Variants in KLHL12 observed in about 807,000 individuals in gnomAD.
The protein encoded by KLHL12 is kelch like family member 12.
A neutral mutation model predicts 60.8 loss-of-function variants in KLHL12; 17 were observed. The observed-to-expected ratio is 0.28, with a 90% confidence interval of 0.19 to 0.42. KLHL12 has a LOEUF of 0.42. Among genes scored for constraint, KLHL12 ranks in the 10% least tolerant of loss-of-function variants. The pLI is 1.00. For synonymous variants in KLHL12, 220 were observed against 250.9 expected, an observed-to-expected ratio of 0.88 and a Z score of 1.16; for missense variants, 468 against 722.3, an observed-to-expected ratio of 0.65 and a Z score of 4.04.
intron 6 of KLHL12, among the ~76,000 whole-genome samples, chr1:202,899,553 G>A (rs1157917090): frequency 6.6e-6 from 1 of 151,526 alleles, no homozygotes; most frequent in Non-Finnish European, 1.5e-5. Context: ...GCATGGCCAG[G>A]TGTGGCTCAT....
chr1:202,906,244 G>A (rs1660183818), intron 6 of KLHL12, among the ~76,000 whole-genome samples: 1 of 150,260 alleles, frequency 6.7e-6, no homozygotes, highest in African/African-American at 2.4e-5. Flanking sequence ...CCTGACGTCA[G>A]GAGTCCGAGA....
At chr1:202,903,917 CCT>C (rs769267863) in intron 6 of KLHL12, among the ~76,000 whole-genome samples, 1 of 151,760 alleles carries the variant, frequency 6.6e-6, no homozygotes, top group African/African-American at 2.4e-5. Context: ...TGCTCTTGGC[CCT>C]GTCTCATGCA....
chr1:202,927,317 G>C, upstream of KLHL12: 1 of 962,830 alleles, frequency 1.0e-6, no homozygotes. Flanking sequence ...GTCACGTGAG[G>C]AGGTGGTGTC....
In KLHL12 at chr1:202,925,049, T is replaced by G; in HGVS notation, c.114A>C (p.Arg38Ser). The change falls in exon 2 of 12, where the codon AGA becomes AGC. Residue 38 changes from arginine to serine, a missense_variant. Physicochemically the swap from Arg to Ser is moderately radical, Grantham distance 110. This residue lies in a region of KLHL12 where 61 missense variants were observed against 59.9 expected (regional missense o/e 1.02). Coordinates refer to ENST00000367261, the MANE Select transcript of KLHL12 (RefSeq NM_021633.4). Reference sequence around the variant, plus strand: ...GGGCAGGGAAGTCTTTCTGCTCTACTCTCAATGTCACATCACAGAGGGTAT... The same window carrying G: ...GGGCAGGGAAGTCTTTCTGCTCTACGCTCAATGTCACATCACAGAGGGTAT... ...KSNTLCDVTL[R>S]VEQKDFPAHR... The G allele has an allele frequency of 6.2e-7, 1 of 1,614,146 alleles. No homozygotes were observed. The highest frequency in any genetic ancestry group is 1.3e-5 in the African/African-American group (1 of 75,034).
chr1:202,903,143 G>C (rs968314309), intron 6 of KLHL12, among the ~76,000 whole-genome samples: 2 of 110,396 alleles, frequency 1.8e-5, no homozygotes, highest in African/African-American at 7.3e-5. Flanking sequence ...CTAGGAGCCA[G>C]AGTGAGACCT....
intron 2 of KLHL12, among the ~76,000 whole-genome samples, chr1:202,920,467 C>T (rs1225991694): frequency 7.1e-6 from 1 of 141,700 alleles, no homozygotes; most frequent in Non-Finnish European, 1.5e-5. Flanking sequence ...AGCTCCACCT[C>T]CTGGGTTCAT....
chr1:202,908,992 GC>G lies in KLHL12; in HGVS notation c.832+17del, dbSNP rs1287365753. 1 of 1,500,108 alleles carries G rather than the reference GC, an allele frequency of 6.7e-7. No individual in the cohort carries two copies. The highest frequency in any genetic ancestry group is 1.7e-5 in the Admixed American group (1 of 59,766). The allele number at this position is 1,500,108 out of a possible 1,614,324, so 92.9% of individuals were successfully genotyped here. A position where few individuals can be genotyped will look rare whatever the true frequency, so the allele number is the denominator to read the frequency against. On this transcript the variant is annotated intron_variant, in intron 6 of 11. Transcript: ENST00000367261. Reference sequence around the variant, plus strand: ...TAGTTGAAAAGCATCCCCTCATTCTGCCGAGATACCAGCTTACCTAGGCGAG... The same window carrying G: ...TAGTTGAAAAGCATCCCCTCATTCTGCGAGATACCAGCTTACCTAGGCGAG...
At chr1:202,912,179 G>A in intron 4 of KLHL12, 1 of 903,066 alleles carries the variant, frequency 1.1e-6, no homozygotes, top group Non-Finnish European at 1.8e-6. Context: ...CATCACCTAA[G>A]AGATAATTTG....
chr1:202,903,629 C>CTTT lies in KLHL12; in HGVS notation c.832+5378_832+5380dup, dbSNP rs1220119536. On this transcript the variant is annotated intron_variant, in intron 6 of 11. Transcript: ENST00000367261. ...CTGGGACCACTAATTTTTTTCTTTT[C>CTTT]TTTTTTTTTTTGAAACGGCGTCTTG... 5.1e-4 allele frequency among the ~76,000 whole-genome samples: 39 copies of CTTT among 76,090 alleles called. 7 individuals carry two copies. Among genetic ancestry groups the CTTT allele is most frequent in the African/African-American group, 1.2e-3 (26 of 22,366 alleles). The allele number at this position is 76,090 out of a possible 152,430, so 49.9% of individuals were successfully genotyped here.
chr1:202,927,703 G>C (rs1653672212), upstream of KLHL12, among the ~76,000 whole-genome samples: 1 of 143,466 alleles, frequency 7.0e-6, no homozygotes, highest in Non-Finnish European at 1.5e-5. Context: ...AAAATGTCCA[G>C]GCGTGGTGGC....
intron 8 of KLHL12, 146 bp from the exon 9 acceptor site, chr1:202,894,895 G>A (rs1659784531): frequency 1.5e-6 from 1 of 656,736 alleles, no homozygotes. Context: ...AAGTTTTATA[G>A]ACAAGGAAGA....
intron 2 of KLHL12, among the ~76,000 whole-genome samples, chr1:202,920,524 C>A (rs1432538730): frequency 6.6e-6 from 1 of 150,920 alleles, no homozygotes; most frequent in East Asian, 2.0e-4. Context: ...CTACAGGCGC[C>A]CGCCACCACG....
chr1:202,928,524 G>T, upstream of KLHL12: 1 of 1,304,460 alleles, frequency 7.7e-7, no homozygotes, highest in Non-Finnish European at 1.0e-6. Flanking sequence ...AAAACCCACA[G>T]AGGCCTCAAA....
At chr1:202,915,337 T>A in intron 4 of KLHL12, among the ~76,000 whole-genome samples, 1 of 152,200 alleles carries the variant, frequency 6.6e-6, no homozygotes, top group East Asian at 1.9e-4. Context: ...ACTATTATTT[T>A]ATTTAATAAG....
chr1:202,912,396 A>C (rs895287269), intron 4 of KLHL12: 20 of 808,142 alleles, frequency 2.5e-5, no homozygotes, highest in African/African-American at 5.0e-5. Context: ...CAGCCAAAGA[A>C]GTCGAAGTGG....
At chr1:202,906,581 T>G (rs1452675061) in intron 6 of KLHL12, among the ~76,000 whole-genome samples, 1 of 151,988 alleles carries the variant, frequency 6.6e-6, no homozygotes, top group Non-Finnish European at 1.5e-5. Flanking sequence ...ATTGATTGTA[T>G]AACAATGTAT....
At chr1:202,907,710 C>A (rs1283611945) in intron 6 of KLHL12, among the ~76,000 whole-genome samples, 1 of 151,040 alleles carries the variant, frequency 6.6e-6, no homozygotes, top group African/African-American at 2.4e-5. Flanking sequence ...GTTCAAGACC[C>A]AGCCTGGGCA....
rs115772063 is a variant in KLHL12, at chr1:202,907,931, G to A, written c.832+1079C>T. Among the ~76,000 whole-genome samples the A allele has an allele frequency of 8.5e-3, 1,292 of 151,638 alleles. 19 individuals carry two copies. Among genetic ancestry groups the A allele is most frequent in the African/African-American group, 0.029 (1,217 of 41,322 alleles). ...TCTATTAAAAAAAATAAAATATAGC[G>A]GATAAATCACCATTCTACCTAAACC... On this transcript the variant is annotated intron_variant, in intron 6 of 11. Coordinates refer to ENST00000367261, the MANE Select transcript of KLHL12 (RefSeq NM_021633.4).
Position 202,893,159 on chromosome 1 carries a change from C to T in KLHL12, c.1580+80G>A, listed in dbSNP as rs2102404005. ...GTCTACCCCTACCCAAGTCTTGTCT[C>T]TGTCCAAAAATGAGGATCAGATCAC... On this transcript the variant is annotated intron_variant, in intron 11 of 11. Coordinates refer to ENST00000367261, the MANE Select transcript of KLHL12 (RefSeq NM_021633.4). The surrounding 1 kb of genome is among the most constrained non-coding windows in gnomAD (Gnocchi z 4.1). 8.4e-7 allele frequency: 1 copy of T among 1,185,948 alleles called. No individual in the cohort carries two copies. The highest frequency in any genetic ancestry group is 2.5e-5 in the East Asian group (1 of 39,238). The allele number at this position is 1,185,948 out of a possible 1,614,324, so 73.5% of individuals were successfully genotyped here.
Sources: allele counts gnomAD v4.1 joint callset (sites outside exome capture counted in the v4.1 genomes callset), GRCh38; gene constraint gnomAD v4.1.1; regional missense constraint gnomAD v4.1.1; non-coding constraint Gnocchi (gnomAD v3.1); transcripts MANE v1.5; gene names NCBI Gene and HGNC (gene_info 2026-07-23, HGNC 2026-07-21).